SAE1: variants seen among roughly 807,000 people sequenced by gnomAD.
SAE1 encodes the protein SUMO1 activating enzyme subunit 1.
SAE1 carries 11 observed loss-of-function variants against 40.6 expected under a neutral mutation model. The ratio of observed to expected loss-of-function variants is 0.27; its 90% confidence interval spans 0.17 to 0.45. The LOEUF (loss-of-function observed/expected upper bound fraction) is 0.45, where lower values mean the gene tolerates loss of function less well. SAE1 is among the 20% of genes least tolerant of loss of function. The pLI is 1.00. For synonymous variants in SAE1, 155 were observed against 154.3 expected, an observed-to-expected ratio of 1.00 and a Z score of -0.03; for missense variants, 373 against 427.3, an observed-to-expected ratio of 0.87 and a Z score of 1.12.
At chr19:47,188,726 A>G (rs1379536864) in intron 6 of SAE1, among the ~76,000 whole-genome samples, 2 of 152,320 alleles carry the variant, frequency 1.3e-5, no homozygotes, top group Non-Finnish European at 2.9e-5. Context: ...CACTTGCCCA[A>G]GGTCACAGTA....
intron 6 of SAE1, among the ~76,000 whole-genome samples, chr19:47,170,154 T>TG (rs1162184171): frequency 6.6e-6 from 1 of 152,214 alleles, no homozygotes; most frequent in East Asian, 1.9e-4. Context: ...ATGACCTCCC[T>TG]GTCAAGTTGA....
intron 5 of SAE1, among the ~76,000 whole-genome samples, chr19:47,157,371 G>A (rs1160857288): frequency 1.3e-5 from 2 of 152,192 alleles, no homozygotes; most frequent in Non-Finnish European, 2.9e-5. Context: ...AAACGGAGGA[G>A]TACAAAAGCT....
chr19:47,182,496 TGCGCGCACGCACGCGC>T (rs1555794399), intron 6 of SAE1, among the ~76,000 whole-genome samples: 14 of 145,938 alleles, frequency 9.6e-5, no homozygotes, highest in Non-Finnish European at 2.1e-4. Flanking sequence ...TGTGTGTGTG[TGCGCGCACGCACGCGC>T]GCGCGCACAC....
intron 8 of SAE1, among the ~76,000 whole-genome samples, chr19:47,207,636 T>G (rs1333680201): frequency 6.6e-6 from 1 of 152,128 alleles, no homozygotes; most frequent in Non-Finnish European, 1.5e-5. Context: ...GGCCACGTGC[T>G]CACTCTCCTT....
intron 6 of SAE1, among the ~76,000 whole-genome samples, chr19:47,185,219 AT>A (rs1187732363): frequency 3.3e-5 from 5 of 152,288 alleles, no homozygotes; most frequent in Middle Eastern, 3.4e-3. Context: ...GTAATATTCC[AT>A]TCTGTCAATA....
intron 6 of SAE1, among the ~76,000 whole-genome samples, chr19:47,191,240 G>A (rs541259295): frequency 5.9e-5 from 9 of 152,090 alleles, no homozygotes; most frequent in African/African-American, 1.9e-4. Flanking sequence ...GTGAAGCCCC[G>A]TCACTAGTAA....
At chr19:47,158,085 AGGGTGG>A (rs2058334984) in intron 5 of SAE1, among the ~76,000 whole-genome samples, 1 of 67,716 alleles carries the variant, frequency 1.5e-5, no homozygotes, top group South Asian at 4.9e-4. Context: ...CAGAGAGTGC[AGGGTGG>A]GGGTGGGGAA....
chr19:47,203,548 T>C, intron 7 of SAE1, 123 bp from the exon 8 acceptor site: 1 of 768,852 alleles, frequency 1.3e-6, no homozygotes, highest in East Asian at 2.5e-5. Flanking sequence ...CACTGCTATC[T>C]GAATCGGGCC....
intron 6 of SAE1, among the ~76,000 whole-genome samples, chr19:47,173,121 T>C (rs2058445423): frequency 1.3e-5 from 2 of 152,094 alleles, no homozygotes; most frequent in South Asian, 2.1e-4. Flanking sequence ...TTCTGCCTCC[T>C]GGGTTCGAGC....
chr19:47,203,803 G>C, intron 8 of SAE1, 63 bp downstream of exon 8: 3 of 1,402,698 alleles, frequency 2.1e-6, no homozygotes, highest in Non-Finnish European at 3.0e-6. Context: ...CTGACAGAGA[G>C]AATGGAAACT....
At chr19:47,143,370 G>C (rs1362086122) in intron 1 of SAE1, 124 bp from the exon 2 acceptor site, 1 of 689,056 alleles carries the variant, frequency 1.5e-6, no homozygotes, top group Admixed American at 2.2e-5. Flanking sequence ...CTCCTAAAGT[G>C]CTGGGATTAC....
intron 2 of SAE1, among the ~76,000 whole-genome samples, chr19:47,149,482 A>C (rs1232767848): frequency 6.6e-6 from 1 of 152,050 alleles, no homozygotes. Flanking sequence ...ACACTGGTCT[A>C]GTTTTAAACC....
chr19:47,143,008 A>G (rs769140605), intron 1 of SAE1, among the ~76,000 whole-genome samples: 8 of 152,206 alleles, frequency 5.3e-5, no homozygotes, highest in Admixed American at 1.3e-4. Flanking sequence ...TTGGTACTCA[A>G]TAAATATTTG....
At chr19:47,140,259 A>C (rs2058212531) in intron 1 of SAE1, among the ~76,000 whole-genome samples, 1 of 151,686 alleles carries the variant, frequency 6.6e-6, no homozygotes, top group Non-Finnish European at 1.5e-5. Context: ...GGCGCCCGCC[A>C]CCATGCCCAG....
Position 47,188,845 on chromosome 19 carries a change from C to T in SAE1, c.734-8388C>T, listed in dbSNP as rs181142391. ...CAGAGAGAAGGTACAGAGGACGGGA[C>T]AGGCAAATATTCAGAGACTATGAGG... is the stretch of plus-strand genomic sequence containing the variant. On this transcript the variant is annotated intron_variant, in intron 6 of 8. Transcript: ENST00000270225. 1.1e-4 allele frequency among the ~76,000 whole-genome samples: 16 copies of T among 152,300 alleles called. No homozygotes were observed. In the East Asian group the frequency reaches 2.3e-3, roughly 22 times the overall value.
At position 47,209,491 on chromosome 19, in the gene SAE1, C is replaced by T. The variant is rs1324815734; in HGVS notation, c.*240C>T. On this transcript the variant is annotated 3_prime_UTR_variant, in exon 9 of 9. Transcript: ENST00000270225. ...GCACTGTTCAGGCTGCCTGTCATCCCGGGCCTGCCAGCTCCCCTGAGTGAT... is the reference window on the plus strand; with the variant it reads ...GCACTGTTCAGGCTGCCTGTCATCCTGGGCCTGCCAGCTCCCCTGAGTGAT... 1.6e-5 allele frequency: 10 copies of T among 623,670 alleles called. No homozygotes were observed. Among genetic ancestry groups the T allele is most frequent in the South Asian group, 1.3e-4 (6 of 47,874 alleles). The allele number at this position is 623,670 out of a possible 1,614,324, so 38.6% of individuals were successfully genotyped here.
At chr19:47,174,063 C>T (rs1172445205) in intron 6 of SAE1, among the ~76,000 whole-genome samples, 1 of 152,058 alleles carries the variant, frequency 6.6e-6, no homozygotes, top group Non-Finnish European at 1.5e-5. Context: ...GGATTACAGA[C>T]GTGAGCCACT....
At chr19:47,171,555 G>A (rs1299154950) in intron 6 of SAE1, among the ~76,000 whole-genome samples, 7 of 152,042 alleles carry the variant, frequency 4.6e-5, no homozygotes, top group South Asian at 2.1e-4. Context: ...AGGTTCAAGC[G>A]ATTCTCCTGC....
chr19:47,156,061 A>C (rs1427041393), intron 5 of SAE1, among the ~76,000 whole-genome samples: 2 of 151,538 alleles, frequency 1.3e-5, no homozygotes, highest in African/African-American at 4.8e-5. Flanking sequence ...TTTTTAAAGC[A>C]GCAAAACACC....
Sources: allele counts gnomAD v4.1 joint callset (sites outside exome capture counted in the v4.1 genomes callset), GRCh38; gene constraint gnomAD v4.1.1; transcripts MANE v1.5; gene names NCBI Gene and HGNC (gene_info 2026-07-23, HGNC 2026-07-21).